PIR: variants seen among roughly 807,000 people sequenced by gnomAD.
The protein encoded by PIR is pirin (iron-binding nuclear protein).
A neutral mutation model predicts 24.2 loss-of-function variants in PIR; 22 were observed. The observed-to-expected ratio is 0.91, with a 90% CI of 0.65 to 1.30. PIR has a LOEUF of 1.30. Among genes scored for constraint, PIR ranks in the 50% most tolerant of loss-of-function variants. PIR has a pLI of 0.00. For synonymous variants in PIR, 80 were observed against 79.6 expected (o/e 1.00, Z -0.03); for missense variants, 220 against 220.3 (o/e 1.00, Z 0.01).
chrX:15,468,483 C>T (rs1921717539), intron 3 of PIR, among the ~76,000 whole-genome samples: 1 of 112,703 alleles, frequency 8.9e-6, no homozygotes, highest in Non-Finnish European at 1.9e-5. Context: ...TCACAGGGGT[C>T]TTACAGAGGA....
intron 8 of PIR, among the ~76,000 whole-genome samples, chrX:15,397,128 T>C (rs1488703331): frequency 6.2e-5 from 7 of 112,117 alleles, no homozygotes; most frequent in African/African-American, 1.3e-4. Context: ...TTTTCACTTA[T>C]GCTAAAAACA....
intron 5 of PIR, among the ~76,000 whole-genome samples, chrX:15,435,288 A>C (rs1925718529): frequency 8.9e-6 from 1 of 112,332 alleles, no homozygotes; most frequent in Non-Finnish European, 1.9e-5. Flanking sequence ...TATTTAATCT[A>C]TGTGGAATTA....
intron 3 of PIR, chrX:15,478,613 G>A (rs1421088275): frequency 1.8e-5 from 2 of 112,021 alleles, no homozygotes; most frequent in African/African-American, 6.5e-5. Flanking sequence ...GGCTAAATGA[G>A]GAAGGGAAAA....
intron 2 of PIR, among the ~76,000 whole-genome samples, chrX:15,489,207 G>A (rs1457645757): frequency 8.9e-6 from 1 of 111,983 alleles, no homozygotes; most frequent in Admixed American, 9.5e-5. Flanking sequence ...GCAGTTACTA[G>A]AACTGCCACC....
In PIR at chrX:15,434,435, AAGAAGG is replaced by A. The variant is rs765129018; in HGVS notation, c.481-8451_481-8446del. On this transcript the variant is annotated intron_variant, in intron 5 of 9. Transcript: ENST00000380420. ...AAAAGGAGGAGGAAGGAGGAGGAGG[AAGAAGG>A]AGAAGGAGAAGAAAGACAGGGAGAG... is the stretch of plus-strand genomic sequence containing the variant. Among the ~76,000 whole-genome samples, 283 of 109,746 alleles carry A rather than the reference AAGAAGG, an allele frequency of 2.6e-3. 1 individual carries two copies. Among genetic ancestry groups the A allele is most frequent in the Middle Eastern group, 0.019 (4 of 214 alleles).
chrX:15,391,410 G>A (rs1923953774), intron 8 of PIR, among the ~76,000 whole-genome samples: 2 of 111,589 alleles, frequency 1.8e-5, no homozygotes, highest in Admixed American at 1.9e-4. Context: ...TCTGTGTTTG[G>A]GGAATTGTTT....
chrX:15,464,455 C>T (rs773727900), intron 3 of PIR: 67 of 743,917 alleles, frequency 9.0e-5, no homozygotes, highest in Non-Finnish European at 1.0e-4. Context: ...TACATAGACG[C>T]TGATGAATAT....
At chrX:15,444,573 T>G (rs1474218083) in intron 5 of PIR, among the ~76,000 whole-genome samples, 1 of 111,664 alleles carries the variant, frequency 9.0e-6, no homozygotes, top group Non-Finnish European at 1.9e-5. Context: ...TTCCACTGAA[T>G]TTTAGGCCCT....
chrX:15,420,032 A>G (rs1369857321), intron 6 of PIR, among the ~76,000 whole-genome samples: 1 of 110,946 alleles, frequency 9.0e-6, no homozygotes, highest in Non-Finnish European at 1.9e-5. Context: ...CCCCGTCGCT[A>G]CTAAAAATAC....
chrX:15,415,839 T>C (rs979145190), intron 6 of PIR, among the ~76,000 whole-genome samples: 3 of 111,388 alleles, frequency 2.7e-5, no homozygotes, highest in African/African-American at 9.8e-5. Context: ...AAAGCACTTA[T>C]AGTAGAGAGT....
intron 9 of PIR, among the ~76,000 whole-genome samples, chrX:15,389,197 T>C (rs1254480395): frequency 1.8e-5 from 2 of 112,186 alleles, no homozygotes; most frequent in African/African-American, 6.5e-5. Context: ...GTCTGAAGGC[T>C]TTTTCCAGAA....
intron 3 of PIR, among the ~76,000 whole-genome samples, chrX:15,478,014 TCC>T (rs34780784): frequency 5.1e-5 from 4 of 77,784 alleles, no homozygotes; most frequent in Admixed American, 1.6e-4. Flanking sequence ...TATAAAGTAT[TCC>T]CCCCCCCCCA....
intron 9 of PIR, among the ~76,000 whole-genome samples, chrX:15,385,781 T>C (rs1923727670): frequency 1.8e-5 from 2 of 112,237 alleles, no homozygotes; most frequent in Admixed American, 1.9e-4. Flanking sequence ...CCATAGATAA[T>C]GCAAAAGTGA....
intron 5 of PIR, among the ~76,000 whole-genome samples, chrX:15,431,893 C>G (rs1466816696): frequency 9.0e-6 from 1 of 110,574 alleles, no homozygotes; most frequent in East Asian, 2.8e-4. Context: ...TGGTAACTAC[C>G]TTTAAAAAGT....
intron 4 of PIR, among the ~76,000 whole-genome samples, chrX:15,457,122 T>C (rs1192686839): frequency 8.9e-6 from 1 of 112,226 alleles, no homozygotes; most frequent in Non-Finnish European, 1.9e-5. Flanking sequence ...ACATCTGGAA[T>C]TCAATCCCAC....
intron 5 of PIR, among the ~76,000 whole-genome samples, chrX:15,446,992 T>C (rs186174894): frequency 9.6e-4 from 108 of 112,559 alleles, no homozygotes; most frequent in African/African-American, 3.3e-3. Context: ...TTAGAGCTCA[T>C]TTGAGTTGAA....
intron 8 of PIR, among the ~76,000 whole-genome samples, chrX:15,396,891 C>T (rs1924170238): frequency 9.0e-6 from 1 of 111,342 alleles, no homozygotes; most frequent in Non-Finnish European, 1.9e-5. Flanking sequence ...CAGGCGCCTG[C>T]CACCATGTCC....
At chrX:15,477,053 ATAGCT>A (rs1922234012) in intron 3 of PIR, among the ~76,000 whole-genome samples, 1 of 112,351 alleles carries the variant, frequency 8.9e-6, no homozygotes, top group East Asian at 2.8e-4. Context: ...AATAAAAACA[ATAGCT>A]ATTTCTGGAT....
At chrX:15,485,848 C>T (rs1426403773) in intron 2 of PIR, among the ~76,000 whole-genome samples, 2 of 112,221 alleles carry the variant, frequency 1.8e-5, no homozygotes, top group African/African-American at 6.5e-5. Context: ...CATGTGTTAT[C>T]GGTAGACAAG....
Sources: allele counts gnomAD v4.1 joint callset (sites outside exome capture counted in the v4.1 genomes callset), GRCh38; gene constraint gnomAD v4.1.1; transcripts MANE v1.5; gene names NCBI Gene and HGNC (gene_info 2026-07-23, HGNC 2026-07-21).